Variants in TRMT11 observed in about 807,000 individuals in gnomAD.
TRMT11 encodes the protein tRNA methyltransferase 11.
Under a neutral mutation model 62.8 loss-of-function variants are expected in TRMT11, and 53 were observed. The ratio of observed to expected loss-of-function variants is 0.84; its 90% CI spans 0.68 to 1.06. The LOEUF (loss-of-function observed/expected upper bound fraction) is 1.06, where lower values mean the gene tolerates loss of function less well. TRMT11 is among the 50% of genes least tolerant of loss of function. The pLI is 0.00. For missense variants in TRMT11, 556 were observed against 553.4 expected (o/e 1.00, Z -0.05); for synonymous variants, 188 against 190.3 (o/e 0.99, Z 0.10).
At chr6:126,027,714 G>A (rs1414235211) in intron 12 of TRMT11, among the ~76,000 whole-genome samples, 1 of 152,092 alleles carries the variant, frequency 6.6e-6, no homozygotes, top group Non-Finnish European at 1.5e-5. Context: ...GGCAGTTGAT[G>A]ACAGTTTATG....
intron 17 of TRMT11, among the ~76,000 whole-genome samples, chr6:126,070,011 G>C (rs1007435108): frequency 3.9e-5 from 6 of 152,048 alleles, no homozygotes; most frequent in African/African-American, 1.4e-4. Context: ...GCAGTTAGAG[G>C]GTCCTGTGAA....
chr6:126,268,979 T>C, the TRMT11 span, among the ~76,000 whole-genome samples: 1 of 152,072 alleles, frequency 6.6e-6, no homozygotes, highest in East Asian at 1.9e-4. Flanking sequence ...ATGACTGGGT[T>C]GGCCGGGCGC....
intron 16 of TRMT11, among the ~76,000 whole-genome samples, chr6:126,052,022 A>G (rs1419997785): frequency 2.6e-5 from 4 of 152,334 alleles, no homozygotes; most frequent in African/African-American, 7.2e-5. Context: ...GAGAATTGAC[A>G]TGACCCAATA....
At chr6:126,149,131 G>A (rs1259746864) in intron 21 of TRMT11, among the ~76,000 whole-genome samples, 1 of 152,224 alleles carries the variant, frequency 6.6e-6, no homozygotes, top group East Asian at 1.9e-4. Flanking sequence ...ATTTTGGTGA[G>A]TGCTAATCTT....
chr6:126,164,262 G>C (rs1365744592), intron 21 of TRMT11, among the ~76,000 whole-genome samples: 1 of 152,212 alleles, frequency 6.6e-6, no homozygotes, highest in East Asian at 1.9e-4. Context: ...AGGTTGTTCA[G>C]TTTCCATGTA....
At chr6:126,149,495 A>G (rs1338862663) in intron 21 of TRMT11, among the ~76,000 whole-genome samples, 4 of 152,182 alleles carry the variant, frequency 2.6e-5, no homozygotes, top group South Asian at 2.1e-4. Context: ...ATGCATTATC[A>G]TCTATATTTA....
chr6:126,123,858 G>T (rs1438034635), intron 21 of TRMT11, among the ~76,000 whole-genome samples: 2 of 151,744 alleles, frequency 1.3e-5, no homozygotes, highest in Non-Finnish European at 2.9e-5. Flanking sequence ...TGTTGTTGTT[G>T]TTCTGTCTCA....
chr6:126,132,540 G>A (rs1392805394), intron 21 of TRMT11, among the ~76,000 whole-genome samples: 1 of 151,828 alleles, frequency 6.6e-6, no homozygotes, highest in Non-Finnish European at 1.5e-5. Context: ...TAATTTTCCT[G>A]CAGTCATACT....
At position 126,011,290 on chromosome 6, in the gene TRMT11, A is replaced by G; in HGVS notation, c.798A>G (p.Pro266=). The G allele has an allele frequency of 6.2e-7, 1 of 1,613,308 alleles. No individual in the cohort carries two copies. Among genetic ancestry groups the G allele is most frequent in the Non-Finnish European group, 8.5e-7 (1 of 1,179,524 alleles). The change falls in exon 9 of 13, where the codon CCA becomes CCG. Residue 266 remains proline, a synonymous_variant. Coordinates refer to ENST00000334379, the MANE Select transcript of TRMT11 (RefSeq NM_001031712.3). ...GGAAAAACCAGAAGTGGAGAGGACC[A>G]GATGAAAACATTAGGGCCAATCTTC... The part of the protein sequence containing the change: ...ATRKNQKWRG[P]DENIRANLRQ...
intron 1 of TRMT11, among the ~76,000 whole-genome samples, chr6:126,190,034 TTTATC>T (rs1340011502): frequency 5.9e-5 from 9 of 152,130 alleles, no homozygotes; most frequent in Non-Finnish European, 1.3e-4. Context: ...ACCTCAAACA[TTTATC>T]TTTTCTTTGT....
intron 1 of TRMT11, among the ~76,000 whole-genome samples, chr6:126,192,518 T>A (rs1449339315): frequency 6.6e-6 from 1 of 152,178 alleles, no homozygotes; most frequent in Non-Finnish European, 1.5e-5. Context: ...TTGTCTTTTT[T>A]GAGATCTTAC....
intron 17 of TRMT11, among the ~76,000 whole-genome samples, chr6:126,091,448 A>G (rs1777275966): frequency 6.6e-6 from 1 of 152,116 alleles, no homozygotes; most frequent in Non-Finnish European, 1.5e-5. Flanking sequence ...TGTTTTCTGT[A>G]CATCACTCCT....
chr6:125,999,471 G>A lies in TRMT11; in HGVS notation c.537G>A (p.Gln179=). ...IYFGRWIADG[Q]RELIESYSVK... Reference sequence around the variant, plus strand: ...CTCTGATTTAGATTGCAGATGGACAGAGAGAGCTTATTGAGTCATACAGTG... The same window carrying A: ...CTCTGATTTAGATTGCAGATGGACAAAGAGAGCTTATTGAGTCATACAGTG... Residue 179 remains glutamine, a synonymous_variant, in exon 7 of 13, where the codon CAG becomes CAA. Coordinates refer to ENST00000334379, the MANE Select transcript of TRMT11 (RefSeq NM_001031712.3). 6.2e-7 allele frequency: 1 copy of A among 1,603,946 alleles called. No individual in the cohort carries two copies. The highest frequency in any genetic ancestry group is 8.5e-7 in the Non-Finnish European group (1 of 1,175,812).
intron 17 of TRMT11, among the ~76,000 whole-genome samples, chr6:126,100,470 T>C (rs1263852814): frequency 2.0e-5 from 3 of 152,236 alleles, no homozygotes; most frequent in African/African-American, 7.2e-5. Context: ...GGAGTCTTTC[T>C]TGTTGCATGT....
At chr6:126,060,503 T>A (rs1776503414) in intron 17 of TRMT11, among the ~76,000 whole-genome samples, 1 of 152,200 alleles carries the variant, frequency 6.6e-6, no homozygotes, top group South Asian at 2.1e-4. Context: ...AGAGCCCTGT[T>A]GACTCTGCCC....
chr6:126,013,115 A>T lies in TRMT11; in HGVS notation c.1139+14A>T. 1 of 1,585,282 alleles carries T rather than the reference A, an allele frequency of 6.3e-7. No homozygotes were observed. The highest frequency in any genetic ancestry group is 8.5e-7 in the Non-Finnish European group (1 of 1,170,018). ...GTATACGCCAGAGTATGTAATCTTAATTTTATTTTTAATTTCATTTTTCTT... is the reference window on the plus strand; with the variant it reads ...GTATACGCCAGAGTATGTAATCTTATTTTTATTTTTAATTTCATTTTTCTT... On this transcript the variant is annotated intron_variant, in intron 11 of 12. Transcript: ENST00000334379.
intron 1 of TRMT11, among the ~76,000 whole-genome samples, chr6:126,193,718 C>T (rs1391508709): frequency 5.9e-5 from 9 of 151,972 alleles, no homozygotes; most frequent in African/African-American, 1.9e-4. Context: ...TGTTCTTGAT[C>T]TCCTGACCTC....
intron 12 of TRMT11, among the ~76,000 whole-genome samples, chr6:126,031,886 G>A (rs1480565886): frequency 2.6e-5 from 4 of 152,116 alleles, no homozygotes; most frequent in Non-Finnish European, 5.9e-5. Context: ...TACTACTGAG[G>A]GGGCTCCTGG....
At chr6:126,012,892 AG>A in intron 10 of TRMT11, 40 bp downstream of exon 10, 1 of 1,609,500 alleles carries the variant, frequency 6.2e-7, no homozygotes, top group Non-Finnish European at 8.5e-7. Flanking sequence ...TACCTTGAGA[AG>A]AGGCATGTGG....
Sources: gnomAD v4.1 joint callset for allele counts (sites outside exome capture counted in the v4.1 genomes callset) on GRCh38, gnomAD v4.1.1 for gene constraint, MANE v1.5 for transcripts, NCBI Gene and HGNC (gene_info 2026-07-23, HGNC 2026-07-21) for gene names.